Variants in FTCDNL1 observed in about 807,000 individuals in gnomAD.
FTCDNL1 encodes formiminotransferase cyclodeaminase N-terminal like.
FTCDNL1 carries 11 observed loss-of-function variants against 5.9 expected under a neutral mutation model. That is an observed-to-expected ratio of 1.87 (90% CI 1.18 to 3.10). The LOEUF is 3.10. Ranked by LOEUF, FTCDNL1 falls within the 30% of genes most tolerant of loss-of-function variation. The probability of loss-of-function intolerance (pLI) is 0.00; values close to 1 mark genes in which losing one functional copy is unlikely to be tolerated. For synonymous variants in FTCDNL1, 58 were observed against 24.8 expected (o/e 2.34, Z -3.99); for missense variants, 115 against 65.5 (o/e 1.76, Z -2.61).
the FTCDNL1 span, among the ~76,000 whole-genome samples, chr2:199,712,643 T>A: frequency 6.6e-6 from 1 of 152,156 alleles, no homozygotes; most frequent in African/African-American, 2.4e-5. Context: ...AAGCCTTACA[T>A]CAAGGGGGCA....
At chr2:199,744,635 A>T in the FTCDNL1 span, among the ~76,000 whole-genome samples, 1 of 152,316 alleles carries the variant, frequency 6.6e-6, no homozygotes, top group East Asian at 1.9e-4. Context: ...AGTCTGTGGT[A>T]TTCTGTTATG....
chr2:199,718,948 C>A, the FTCDNL1 span, among the ~76,000 whole-genome samples: 7 of 151,876 alleles, frequency 4.6e-5, no homozygotes, highest in African/African-American at 1.7e-4. Flanking sequence ...TGGACATTAG[C>A]CCTTTGTCAG....
At chr2:199,738,676 T>C in the FTCDNL1 span, among the ~76,000 whole-genome samples, 2 of 152,226 alleles carry the variant, frequency 1.3e-5, no homozygotes, top group African/African-American at 2.4e-5. Flanking sequence ...CTCAGTGCTT[T>C]AAATTCCTTA....
chr2:199,765,757 G>A (rs759798826), intron 3 of FTCDNL1, among the ~76,000 whole-genome samples: 10 of 151,252 alleles, frequency 6.6e-5, no homozygotes, highest in Non-Finnish European at 1.0e-4. Flanking sequence ...TGCCCAGCCC[G>A]GTCTCAAACT....
chr2:199,819,488 C>G (rs1255946714), intron 4 of FTCDNL1, 84 bp downstream of exon 4: 1 of 670,838 alleles, frequency 1.5e-6, no homozygotes, highest in South Asian at 1.6e-5. Flanking sequence ...ACTCTTCCTG[C>G]ATTAACAGGG....
intron 3 of FTCDNL1, among the ~76,000 whole-genome samples, chr2:199,823,774 C>T (rs1443837666): frequency 6.6e-6 from 1 of 152,124 alleles, no homozygotes; most frequent in Non-Finnish European, 1.5e-5. Context: ...TTCCTAAAGG[C>T]CCTTGGATTT....
intron 3 of FTCDNL1, among the ~76,000 whole-genome samples, chr2:199,761,476 G>A (rs1305440052): frequency 6.6e-6 from 1 of 152,118 alleles, no homozygotes. Flanking sequence ...TCCTGATCTC[G>A]ATGTTTCTCA....
At chr2:199,710,999 G>C in the FTCDNL1 span, among the ~76,000 whole-genome samples, 5 of 152,036 alleles carry the variant, frequency 3.3e-5, no homozygotes, top group East Asian at 9.7e-4. Flanking sequence ...TTTTTCCCAG[G>C]AAAAGAGTTG....
chr2:199,722,136 T>A, the FTCDNL1 span, among the ~76,000 whole-genome samples: 1 of 152,238 alleles, frequency 6.6e-6, no homozygotes, highest in African/African-American at 2.4e-5. Flanking sequence ...CTTAATTAGA[T>A]CTCATTTGTC....
chr2:199,775,086 G>T (rs1483355921), intron 3 of FTCDNL1, among the ~76,000 whole-genome samples: 1 of 152,166 alleles, frequency 6.6e-6, no homozygotes, highest in Admixed American at 6.5e-5. Context: ...CCTGACACCA[G>T]CAATAGTTTC....
the FTCDNL1 span, among the ~76,000 whole-genome samples, chr2:199,730,357 A>G: frequency 6.6e-6 from 1 of 152,242 alleles, no homozygotes; most frequent in Non-Finnish European, 1.5e-5. Flanking sequence ...TAATTAAACT[A>G]TAGAGCTTCT....
At chr2:199,844,973 A>G (rs928396727) in intron 3 of FTCDNL1, among the ~76,000 whole-genome samples, 1 of 151,926 alleles carries the variant, frequency 6.6e-6, no homozygotes, top group African/African-American at 2.4e-5. Context: ...CTGGTCTCAA[A>G]CTCCTGGCAT....
the FTCDNL1 span, among the ~76,000 whole-genome samples, chr2:199,708,124 A>T: frequency 6.6e-6 from 1 of 151,436 alleles, no homozygotes; most frequent in African/African-American, 2.4e-5. Context: ...ATTTTTTTTT[A>T]AATGTCTGCA....
chr2:199,717,049 C>T, the FTCDNL1 span, among the ~76,000 whole-genome samples: 1 of 152,004 alleles, frequency 6.6e-6, no homozygotes, highest in Non-Finnish European at 1.5e-5. Flanking sequence ...CCAGATGGAA[C>T]TTTGCCAAGA....
At chr2:199,684,815 C>T in the FTCDNL1 span, among the ~76,000 whole-genome samples, 1 of 152,158 alleles carries the variant, frequency 6.6e-6, no homozygotes, top group Admixed American at 6.6e-5. Flanking sequence ...CATAAAGTCT[C>T]TTTCTGGAAA....
the FTCDNL1 span, among the ~76,000 whole-genome samples, chr2:199,747,915 G>T: frequency 6.6e-6 from 1 of 152,058 alleles, no homozygotes; most frequent in Non-Finnish European, 1.5e-5. Flanking sequence ...GGGAACCTCT[G>T]TTTTAGGTTT....
intron 3 of FTCDNL1, among the ~76,000 whole-genome samples, chr2:199,767,025 C>T (rs1698570723): frequency 6.6e-6 from 1 of 151,974 alleles, no homozygotes; most frequent in African/African-American, 2.4e-5. Flanking sequence ...CATTCTGATA[C>T]AAATAGGATT....
intron 3 of FTCDNL1, among the ~76,000 whole-genome samples, chr2:199,821,237 C>G (rs1201933428): frequency 6.6e-6 from 1 of 151,708 alleles, no homozygotes; most frequent in Non-Finnish European, 1.5e-5. Flanking sequence ...GCAAACTCCA[C>G]TTCCTGGGTT....
the FTCDNL1 span, among the ~76,000 whole-genome samples, chr2:199,726,538 A>T: frequency 6.6e-6 from 1 of 152,006 alleles, no homozygotes; most frequent in East Asian, 1.9e-4. Flanking sequence ...TCTACCTTTG[A>T]TCTTTGAGGC....
Sources: gnomAD v4.1 joint callset for allele counts (sites outside exome capture counted in the v4.1 genomes callset) on GRCh38, gnomAD v4.1.1 for gene constraint, MANE v1.5 for transcripts, NCBI Gene and HGNC (gene_info 2026-07-23, HGNC 2026-07-21) for gene names.